EMID1: variants seen among roughly 807,000 people sequenced by gnomAD.
EMID1 encodes EMI domain containing 1.
A neutral mutation model predicts 60.6 loss-of-function variants in EMID1; 40 were observed. The observed-to-expected ratio is 0.66, with a 90% CI of 0.51 to 0.86. EMID1 has a LOEUF of 0.86. Among genes scored for constraint, EMID1 ranks in the 40% least tolerant of loss-of-function variants. The pLI is 0.00. For synonymous variants in EMID1, 242 were observed against 231.0 expected (o/e 1.05, Z -0.43); for missense variants, 585 against 597.1 (o/e 0.98, Z 0.21).
chr22:29,208,175 G>A (rs2039747053), intron 1 of EMID1, among the ~76,000 whole-genome samples: 1 of 152,176 alleles, frequency 6.6e-6, no homozygotes, highest in South Asian at 2.1e-4. Flanking sequence ...CACGTTGCTG[G>A]AGACAGCATG....
intron 3 of EMID1, among the ~76,000 whole-genome samples, chr22:29,218,266 C>T (rs1038185139): frequency 4.6e-5 from 7 of 152,246 alleles, no homozygotes; most frequent in East Asian, 1.9e-4. Flanking sequence ...GCTCAAGAAA[C>T]GGACCTTGAG....
At chr22:29,220,302 G>A in intron 3 of EMID1, among the ~76,000 whole-genome samples, 1 of 152,192 alleles carries the variant, frequency 6.6e-6, no homozygotes, top group Middle Eastern at 3.2e-3. Flanking sequence ...CATGTATAAA[G>A]TGAGTGCACA....
intron 1 of EMID1, among the ~76,000 whole-genome samples, chr22:29,208,661 G>C (rs191199410): frequency 1.1e-4 from 17 of 152,304 alleles, no homozygotes; most frequent in Non-Finnish European, 2.2e-4. Context: ...GGGTGACCTG[G>C]GTAGGTGCTT....
intron 1 of EMID1, 123 bp downstream of exon 1, chr22:29,206,262 C>A: frequency 2.6e-6 from 2 of 758,844 alleles, no homozygotes; most frequent in Non-Finnish European, 3.5e-6. Context: ...AGGGCAGGGA[C>A]ACGGCCATCC....
intron 1 of EMID1, among the ~76,000 whole-genome samples, chr22:29,208,407 C>T (rs752211017): frequency 6.6e-6 from 1 of 152,194 alleles, no homozygotes; most frequent in East Asian, 1.9e-4. Flanking sequence ...TTGGCTTGCC[C>T]CTGCCCCTGG....
chr22:29,256,076 G>A (rs774452649), intron 14 of EMID1, among the ~76,000 whole-genome samples: 2 of 152,132 alleles, frequency 1.3e-5, no homozygotes, highest in Non-Finnish European at 2.9e-5. Context: ...CCACCCGAGG[G>A]GCTGAGCTCT....
At chr22:29,218,638 C>A (rs1325407524) in intron 3 of EMID1, among the ~76,000 whole-genome samples, 1 of 152,096 alleles carries the variant, frequency 6.6e-6, no homozygotes, top group African/African-American at 2.4e-5. Flanking sequence ...CAGAATGCAC[C>A]AAGTGGGCCA....
chr22:29,241,764 A>G (rs2041162039), intron 12 of EMID1, among the ~76,000 whole-genome samples: 1 of 147,248 alleles, frequency 6.8e-6, no homozygotes, highest in African/African-American at 2.5e-5. Context: ...TCAAATTTGA[A>G]AAAAAAAAAG....
rs576873072 is a variant in EMID1 at position 29,233,647 on chromosome 22, C to G, written c.947C>G (p.Pro316Arg). 2 of 1,613,980 alleles carry G rather than the reference C, an allele frequency of 1.2e-6. No individual in the cohort carries two copies. Among genetic ancestry groups the G allele is most frequent in the African/African-American group, 2.7e-5 (2 of 75,058 alleles). ...GGGCCTCCTGGCCCCACAGGTGTCCCTGGGAGTCCTGGTCACATAGTGAGT... is the reference window on the plus strand; with the variant it reads ...GGGCCTCCTGGCCCCACAGGTGTCCGTGGGAGTCCTGGTCACATAGTGAGT... ...PPGPPGPTGV[P>R]GSPGHIGPPG... Residue 316 changes from proline (P) to arginine (R), a missense_variant, in exon 10 of 15, where the codon CCT (proline) becomes CGT (arginine). Physicochemically the swap from Pro to Arg is moderately radical, Grantham distance 103. Transcript: ENST00000334018.
intron 1 of EMID1, 49 bp from the exon 2 acceptor site, chr22:29,214,877 A>G: frequency 1.5e-6 from 2 of 1,373,668 alleles, no homozygotes; most frequent in Non-Finnish European, 2.0e-6. Flanking sequence ...AGTCCCCAGC[A>G]GGGGACCCTG....
intron 13 of EMID1, 120 bp downstream of exon 13, chr22:29,243,609 C>T: frequency 8.4e-7 from 1 of 1,186,050 alleles, no homozygotes; most frequent in Non-Finnish European, 1.2e-6. Flanking sequence ...CCACTACAGC[C>T]TGGTCTCCCA....
At chr22:29,214,431 G>C (rs2040006623) in intron 1 of EMID1, among the ~76,000 whole-genome samples, 1 of 152,310 alleles carries the variant, frequency 6.6e-6, no homozygotes, top group South Asian at 2.1e-4. Context: ...GCCTGGGGCA[G>C]GTGTGGGTAC....
chr22:29,240,736 GTTTC>G (rs915107784), intron 12 of EMID1, among the ~76,000 whole-genome samples: 5 of 152,250 alleles, frequency 3.3e-5, no homozygotes, highest in Admixed American at 2.0e-4. Flanking sequence ...CTTGCCACCT[GTTTC>G]TTTGTTTGAT....
intron 13 of EMID1, among the ~76,000 whole-genome samples, chr22:29,246,982 G>GT (rs1330643067): frequency 1.3e-5 from 2 of 151,570 alleles, no homozygotes; most frequent in Non-Finnish European, 2.9e-5. Context: ...TTTTTATTTT[G>GT]TTTTTTTCCT....
At chr22:29,230,013 GT>G (rs2040669746) in intron 5 of EMID1, among the ~76,000 whole-genome samples, 1 of 152,180 alleles carries the variant, frequency 6.6e-6, no homozygotes, top group African/African-American at 2.4e-5. Flanking sequence ...TCTATTTCAT[GT>G]CAGACTCTTC....
chr22:29,229,128 G>C (rs570091551), intron 5 of EMID1, among the ~76,000 whole-genome samples: 1 of 152,052 alleles, frequency 6.6e-6, no homozygotes, highest in South Asian at 2.1e-4. Flanking sequence ...GATTGCTTGA[G>C]GCCTGGAGCC....
intron 13 of EMID1, among the ~76,000 whole-genome samples, chr22:29,253,709 GCCTGAACTCA>G (rs2041603958): frequency 6.6e-6 from 1 of 152,248 alleles, no homozygotes; most frequent in South Asian, 2.1e-4. Context: ...CTGGTAAGTA[GCCTGAACTCA>G]CTGATCGGAG....
intron 7 of EMID1, 163 bp from the exon 8 acceptor site, chr22:29,232,093 T>G: frequency 1.4e-6 from 1 of 710,546 alleles, no homozygotes; most frequent in Non-Finnish European, 2.4e-6. Context: ...GAGAACTAGG[T>G]GCTGTGCTCA....
At chr22:29,209,840 C>T (rs1378062063) in intron 1 of EMID1, among the ~76,000 whole-genome samples, 1 of 152,016 alleles carries the variant, frequency 6.6e-6, no homozygotes, top group Non-Finnish European at 1.5e-5. Context: ...GAGAGGTGAG[C>T]AGAATAAGAA....
Sources: allele counts gnomAD v4.1 joint callset (sites outside exome capture counted in the v4.1 genomes callset), GRCh38; gene constraint gnomAD v4.1.1; transcripts MANE v1.5; gene names NCBI Gene and HGNC (gene_info 2026-07-23, HGNC 2026-07-21).